The following GRIK2 variants were observed in gnomAD, a reference collection of about 807,000 sequenced individuals.
GRIK2 encodes glutamate receptor ionotropic, kainate 2.
In GRIK2, 32 loss-of-function variants were observed where a neutral mutation model predicts 100.3. The ratio of observed to expected loss-of-function variants is 0.32; its 90% CI spans 0.24 to 0.43. The LOEUF (loss-of-function observed/expected upper bound fraction) is 0.43. Among genes scored for constraint, GRIK2 ranks in the 20% least tolerant of loss-of-function variants. GRIK2 has a pLI of 1.00. For missense variants in GRIK2, 843 were observed against 1,114.9 expected (o/e 0.76, Z 3.47); for synonymous variants, 417 against 389.4 (o/e 1.07, Z -0.83).
At chr6:101,769,202 A>G (rs1444289077) in intron 7 of GRIK2, among the ~76,000 whole-genome samples, 2 of 151,992 alleles carry the variant, frequency 1.3e-5, no homozygotes, top group Non-Finnish European at 1.5e-5. Flanking sequence ...TTTTCCTTGG[A>G]AAAAAAAGTA....
intron 4 of GRIK2, among the ~76,000 whole-genome samples, chr6:101,627,482 T>C (rs1780519392): frequency 6.6e-6 from 1 of 152,196 alleles, no homozygotes; most frequent in African/African-American, 2.4e-5. Flanking sequence ...ATGAAGTTTT[T>C]GCTAGGGTAG....
At chr6:101,812,179 T>A (rs530458410) in intron 9 of GRIK2, among the ~76,000 whole-genome samples, 25 of 151,630 alleles carry the variant, frequency 1.6e-4, no homozygotes, top group Non-Finnish European at 3.2e-4. Flanking sequence ...AAACAAAATA[T>A]GTAATTATAA....
intron 5 of GRIK2, among the ~76,000 whole-genome samples, chr6:101,679,431 T>C (rs956316366): frequency 6.6e-6 from 1 of 152,182 alleles, no homozygotes; most frequent in African/African-American, 2.4e-5. Flanking sequence ...AAATTTAATC[T>C]GTAGTATTTC....
intron 14 of GRIK2, among the ~76,000 whole-genome samples, chr6:101,977,668 G>A (rs1281915493): frequency 1.3e-5 from 2 of 151,968 alleles, no homozygotes; most frequent in Non-Finnish European, 2.9e-5. Context: ...CAAGGTGCTG[G>A]AGGCTGTCGG....
intron 14 of GRIK2, among the ~76,000 whole-genome samples, chr6:101,994,012 G>A (rs922660377): frequency 5.5e-5 from 8 of 145,078 alleles, no homozygotes; most frequent in African/African-American, 7.7e-5. Flanking sequence ...ATACAAATGT[G>A]TATATAAATA....
At chr6:101,649,904 A>G (rs1161177804) in intron 4 of GRIK2, among the ~76,000 whole-genome samples, 1 of 152,040 alleles carries the variant, frequency 6.6e-6, no homozygotes, top group Non-Finnish European at 1.5e-5. Context: ...CTGAGCAGAA[A>G]CTACACATTA....
chr6:101,397,746 T>C (rs893464133), intron 1 of GRIK2, among the ~76,000 whole-genome samples: 9 of 152,136 alleles, frequency 5.9e-5, no homozygotes, highest in African/African-American at 2.2e-4. Flanking sequence ...AAATTAGCCT[T>C]CAGATAGGAT....
At chr6:101,772,695 T>C (rs535828763) in intron 7 of GRIK2, among the ~76,000 whole-genome samples, 1 of 151,792 alleles carries the variant, frequency 6.6e-6, no homozygotes, top group East Asian at 2.0e-4. Context: ...TCCTCTCAAC[T>C]TTTGATTCTT....
intron 14 of GRIK2, among the ~76,000 whole-genome samples, chr6:101,936,243 GAAGA>G (rs1318646022): frequency 6.6e-6 from 1 of 151,890 alleles, no homozygotes; most frequent in Non-Finnish European, 1.5e-5. Context: ...TAGAAGTCTG[GAAGA>G]AATATCGCAG....
In GRIK2 at chr6:101,858,806, C is replaced by A. The variant is rs115162943; in HGVS notation, c.1318-481C>A. On this transcript the variant is annotated intron_variant, in intron 10 of 16. Coordinates refer to ENST00000369134, the MANE Select transcript of GRIK2 (RefSeq NM_021956.5). ...ATTATATATATAAAAAGTCCACACT[C>A]CAGTTCTTTGCACATAGTAGGCAAT... 8.0e-3 allele frequency among the ~76,000 whole-genome samples: 1,214 copies of A among 151,890 alleles called. 22 individuals are homozygous for A. Among genetic ancestry groups the A allele is most frequent in the African/African-American group, 0.028 (1,150 of 41,390 alleles).
At chr6:101,423,322 C>G (rs1303608631) in intron 2 of GRIK2, among the ~76,000 whole-genome samples, 1 of 152,128 alleles carries the variant, frequency 6.6e-6, no homozygotes, top group Admixed American at 6.5e-5. Flanking sequence ...GAAACTTGTT[C>G]TTAGGTATAC....
At chr6:101,947,946 G>A (rs147208182) in intron 14 of GRIK2, among the ~76,000 whole-genome samples, 14 of 152,052 alleles carry the variant, frequency 9.2e-5, no homozygotes, top group African/African-American at 3.1e-4. Context: ...TCTAATGAGT[G>A]CTTGGCAGTC....
At chr6:101,982,278 T>G (rs550469183) in intron 14 of GRIK2, among the ~76,000 whole-genome samples, 1 of 152,062 alleles carries the variant, frequency 6.6e-6, no homozygotes, top group African/African-American at 2.4e-5. Context: ...GTCTCCCATG[T>G]CTTTCTCTAA....
At chr6:101,856,097 CAATGATGTTGAATGTTATTCTA>C (rs1308096183) in intron 10 of GRIK2, among the ~76,000 whole-genome samples, 2 of 152,084 alleles carry the variant, frequency 1.3e-5, no homozygotes, top group Non-Finnish European at 2.9e-5. Flanking sequence ...GGGCCCATGG[CAATGATGTTGAATGTTATTCTA>C]AACACATTGG....
chr6:101,552,667 T>C (rs1007689003), intron 2 of GRIK2, among the ~76,000 whole-genome samples: 4 of 152,202 alleles, frequency 2.6e-5, no homozygotes, highest in African/African-American at 9.6e-5. Context: ...GCACATAATG[T>C]GGCACTAATC....
At chr6:101,639,950 TAACA>T (rs1781209107) in intron 4 of GRIK2, among the ~76,000 whole-genome samples, 1 of 152,164 alleles carries the variant, frequency 6.6e-6, no homozygotes, top group Non-Finnish European at 1.5e-5. Context: ...GAATTCTGAC[TAACA>T]AACCCTAATG....
intron 14 of GRIK2, among the ~76,000 whole-genome samples, chr6:101,948,478 G>A (rs1404389297): frequency 6.8e-6 from 1 of 146,408 alleles, no homozygotes; most frequent in Non-Finnish European, 1.5e-5. Flanking sequence ...TATAGTTATA[G>A]TTATATATAG....
chr6:101,599,080 A>G (rs1204475484), intron 2 of GRIK2, among the ~76,000 whole-genome samples: 1 of 150,654 alleles, frequency 6.6e-6, no homozygotes, highest in African/African-American at 2.4e-5. Context: ...CTCCATCCCC[A>G]CTCTAGTAGT....
At chr6:101,968,246 T>G (rs1792817085) in intron 14 of GRIK2, among the ~76,000 whole-genome samples, 1 of 152,072 alleles carries the variant, frequency 6.6e-6, no homozygotes, top group South Asian at 2.1e-4. Flanking sequence ...AACACATAGG[T>G]ACACACAATC....
Sources: gnomAD v4.1 joint callset for allele counts (sites outside exome capture counted in the v4.1 genomes callset) on GRCh38, gnomAD v4.1.1 for gene constraint, MANE v1.5 for transcripts, NCBI Gene and HGNC (gene_info 2026-07-23, HGNC 2026-07-21) for gene names.